Variants in TMEM163 observed in about 807,000 individuals in gnomAD.
The protein encoded by TMEM163 is transmembrane protein 163.
TMEM163 carries 17 observed loss-of-function variants against 29.3 expected under a neutral mutation model. The observed-to-expected ratio is 0.58, with a 90% confidence interval of 0.40 to 0.87. TMEM163 has a LOEUF of 0.87. Among genes scored for constraint, TMEM163 ranks in the 40% least tolerant of loss-of-function variants. The pLI is 0.00. For missense variants in TMEM163, 303 were observed against 381.5 expected, an observed-to-expected ratio of 0.79 and a Z score of 1.71; for synonymous variants, 157 against 160.6, an observed-to-expected ratio of 0.98 and a Z score of 0.17.
intron 2 of TMEM163, among the ~76,000 whole-genome samples, chr2:134,572,086 T>C (rs1453567282): frequency 6.6e-6 from 1 of 152,152 alleles, no homozygotes; most frequent in Non-Finnish European, 1.5e-5. Flanking sequence ...AACAGCTCTA[T>C]TAACCTTCTC....
chr2:134,574,371 G>C (rs1419967484), intron 2 of TMEM163, among the ~76,000 whole-genome samples: 2 of 152,106 alleles, frequency 1.3e-5, no homozygotes, highest in Non-Finnish European at 2.9e-5. Context: ...ACCAGCCTGG[G>C]CAACATGGCA....
At chr2:134,614,288 C>A (rs1257920508) in intron 2 of TMEM163, among the ~76,000 whole-genome samples, 1 of 152,024 alleles carries the variant, frequency 6.6e-6, no homozygotes, top group East Asian at 1.9e-4. Flanking sequence ...GAATAGGGAA[C>A]CACAACCTCA....
At position 134,691,365 on chromosome 2, in the gene TMEM163, A is replaced by G. The variant is rs145357164; in HGVS notation, c.322+21835T>C. On this transcript the variant is annotated intron_variant, in intron 2 of 7. Coordinates refer to ENST00000281924, the MANE Select transcript of TMEM163 (RefSeq NM_030923.5). Reference sequence around the variant, plus strand: ...TGCCTAGCGTAGGCACCAAACATCAAGAAGCCCTTGTGGCTGTACTGAGAG... The same window carrying G: ...TGCCTAGCGTAGGCACCAAACATCAGGAAGCCCTTGTGGCTGTACTGAGAG... Among the ~76,000 whole-genome samples, 429 of 152,314 alleles carry G rather than the reference A, an allele frequency of 2.8e-3. 4 individuals are homozygous for G. The East Asian group carries it at 0.029, about 10-fold the overall frequency.
intron 5 of TMEM163, among the ~76,000 whole-genome samples, chr2:134,481,953 C>G (rs1679202465): frequency 1.3e-5 from 2 of 152,156 alleles, no homozygotes; most frequent in South Asian, 4.1e-4. Flanking sequence ...CAGGAATGAA[C>G]CCCACCATCT....
chr2:134,457,215 C>T (rs1273980567), intron 7 of TMEM163, among the ~76,000 whole-genome samples: 6 of 152,120 alleles, frequency 3.9e-5, no homozygotes, highest in East Asian at 3.9e-4. Flanking sequence ...GTTGCTTCTG[C>T]GTTTTGCCTA....
At chr2:134,509,490 C>T in intron 4 of TMEM163, among the ~76,000 whole-genome samples, 1 of 152,366 alleles carries the variant, frequency 6.6e-6, no homozygotes, top group East Asian at 1.9e-4. Context: ...GCCCACCAAG[C>T]CCCAGGTCTA....
chr2:134,633,994 T>C (rs1486255682), intron 2 of TMEM163, among the ~76,000 whole-genome samples: 1 of 30,604 alleles, frequency 3.3e-5, no homozygotes, highest in East Asian at 4.8e-4. Flanking sequence ...TATATATATA[T>C]ATATATATAT....
chr2:134,701,813 G>T (rs1045352496), intron 2 of TMEM163, among the ~76,000 whole-genome samples: 1 of 151,550 alleles, frequency 6.6e-6, no homozygotes, highest in Non-Finnish European at 1.5e-5. Context: ...AGCTCCTTGG[G>T]AGGCTGAGGC....
At chr2:134,485,647 G>C (rs755884168) in intron 5 of TMEM163, among the ~76,000 whole-genome samples, 32 of 152,160 alleles carry the variant, frequency 2.1e-4, no homozygotes, top group Non-Finnish European at 3.7e-4. Context: ...GGCTCACCCA[G>C]ATTATCAAGG....
intron 4 of TMEM163, among the ~76,000 whole-genome samples, chr2:134,516,141 T>G (rs2106492907): frequency 6.6e-6 from 1 of 152,208 alleles, no homozygotes; most frequent in South Asian, 2.1e-4. Context: ...AGGCTCAGTT[T>G]CCTTAGAAGG....
At position 134,626,409 on chromosome 2, in the gene TMEM163, T is replaced by C. The variant is rs564424962; in HGVS notation, c.323-74318A>G. 7.9e-5 allele frequency among the ~76,000 whole-genome samples: 12 copies of C among 152,182 alleles called. No homozygotes were observed. The South Asian group carries it at 2.3e-3, about 29-fold the overall frequency. On this transcript the variant is annotated intron_variant, in intron 2 of 7. Transcript: ENST00000281924. The stretch of plus-strand genomic sequence containing the variant: ...TGTGAGCCACCATGCCCAGCCTCCT[T>C]TTCCAGCTTTTAAGGCCACCCACAT...
chr2:134,717,342 T>C (rs551307489), intron 1 of TMEM163, among the ~76,000 whole-genome samples: 173 of 152,358 alleles, frequency 1.1e-3, no homozygotes, highest in African/African-American at 3.9e-3. Flanking sequence ...TGATGTCCCC[T>C]GTCCTCACCT....
intron 2 of TMEM163, among the ~76,000 whole-genome samples, chr2:134,619,339 A>G (rs1299207568): frequency 6.6e-6 from 1 of 152,226 alleles, no homozygotes; most frequent in Non-Finnish European, 1.5e-5. Context: ...ATGAATGTAG[A>G]TCCAATATTC....
At chr2:134,717,762 G>C (rs1481285215) in intron 1 of TMEM163, among the ~76,000 whole-genome samples, 2 of 152,230 alleles carry the variant, frequency 1.3e-5, no homozygotes, top group Non-Finnish European at 2.9e-5. Context: ...TTCTGAGGGG[G>C]ACAATTTGGA....
At chr2:134,603,843 A>C (rs892949446) in intron 2 of TMEM163, among the ~76,000 whole-genome samples, 2 of 4,462 alleles carry the variant, frequency 4.5e-4, no homozygotes, top group East Asian at 7.0e-3. Context: ...GGGTGGGGGA[A>C]GGGGAGGGGA....
intron 5 of TMEM163, among the ~76,000 whole-genome samples, chr2:134,486,184 ATATTT>A (rs1258782281): frequency 6.6e-6 from 1 of 152,268 alleles, no homozygotes; most frequent in Admixed American, 6.5e-5. Context: ...ACATAATTGA[ATATTT>A]TATCTCCTTT....
At chr2:134,645,857 C>T (rs1009268961) in intron 2 of TMEM163, among the ~76,000 whole-genome samples, 1 of 152,042 alleles carries the variant, frequency 6.6e-6, no homozygotes, top group Non-Finnish European at 1.5e-5. Flanking sequence ...TGAAATTGTG[C>T]TGTATTCTGA....
chr2:134,674,691 A>G (rs1290900211), intron 2 of TMEM163, among the ~76,000 whole-genome samples: 3 of 152,022 alleles, frequency 2.0e-5, no homozygotes, highest in African/African-American at 7.2e-5. Flanking sequence ...AACCTGACAA[A>G]TAGAGCCAAA....
intron 2 of TMEM163, among the ~76,000 whole-genome samples, chr2:134,571,598 A>G (rs748296045): frequency 1.3e-5 from 2 of 152,234 alleles, no homozygotes; most frequent in Non-Finnish European, 2.9e-5. Context: ...AGGACTCAGC[A>G]TATAGTCACA....
Sources: gnomAD v4.1 joint callset for allele counts (sites outside exome capture counted in the v4.1 genomes callset) on GRCh38, gnomAD v4.1.1 for gene constraint, MANE v1.5 for transcripts, NCBI Gene and HGNC (gene_info 2026-07-23, HGNC 2026-07-21) for gene names.